NALF1: variants seen among roughly 807,000 people sequenced by gnomAD.
NALF1 encodes NALCN channel auxiliary factor 1.
Under a neutral mutation model 48.4 loss-of-function variants are expected in NALF1, and 3 were observed. That is an observed-to-expected ratio of 0.06 (90% confidence interval 0.03 to 0.16). NALF1 has a LOEUF of 0.16. Among genes scored for constraint, NALF1 ranks in the 10% least tolerant of loss-of-function variants. NALF1 has a pLI of 1.00. For missense variants in NALF1, 526 were observed against 571.5 expected (o/e 0.92, Z 0.81); for synonymous variants, 262 against 245.7 (o/e 1.07, Z -0.62).
intron 1 of NALF1, among the ~76,000 whole-genome samples, chr13:107,428,415 G>A (rs1884317094): frequency 6.6e-6 from 1 of 152,142 alleles, no homozygotes; most frequent in Non-Finnish European, 1.5e-5. Context: ...TGGGAAATCA[G>A]GAAATGTGGA....
chr13:107,748,711 GATA>G (rs760196252), intron 1 of NALF1, among the ~76,000 whole-genome samples: 207 of 152,296 alleles, frequency 1.4e-3, no homozygotes, highest in Non-Finnish European at 2.4e-3. Context: ...TGAAGCTAGT[GATA>G]AAAATTAAAT....
chr13:107,857,214 G>C (rs1336018477), intron 1 of NALF1, among the ~76,000 whole-genome samples: 1 of 152,136 alleles, frequency 6.6e-6, no homozygotes, highest in Admixed American at 6.5e-5. Flanking sequence ...TCGACATCAA[G>C]GATATCTGTT....
chr13:107,443,912 C>A, intron 1 of NALF1, among the ~76,000 whole-genome samples: 1 of 152,154 alleles, frequency 6.6e-6, no homozygotes, highest in Non-Finnish European at 1.5e-5. Flanking sequence ...TTGCAGCTTC[C>A]GATTTTATTA....
chr13:107,471,936 A>G (rs1401418693), intron 1 of NALF1, among the ~76,000 whole-genome samples: 1 of 152,226 alleles, frequency 6.6e-6, no homozygotes, highest in Non-Finnish European at 1.5e-5. Context: ...CAGTCAAGAA[A>G]AAAATGTATT....
intron 1 of NALF1, among the ~76,000 whole-genome samples, chr13:107,511,782 A>C (rs1875898802): frequency 6.6e-6 from 1 of 152,176 alleles, no homozygotes; most frequent in Admixed American, 6.5e-5. Context: ...CGTATGTTAA[A>C]ATTAACTACA....
At chr13:107,571,680 C>T (rs1434241042) in intron 1 of NALF1, among the ~76,000 whole-genome samples, 2 of 152,106 alleles carry the variant, frequency 1.3e-5, no homozygotes, top group South Asian at 4.1e-4. Flanking sequence ...GTGACAACTT[C>T]GGACTTGAGA....
At chr13:107,726,630 G>C (rs1003329922) in intron 1 of NALF1, among the ~76,000 whole-genome samples, 17 of 117,090 alleles carry the variant, frequency 1.5e-4, no homozygotes, top group African/African-American at 5.5e-4. Context: ...TTTTTTTCCA[G>C]ATGGAGTCTC....
intron 1 of NALF1, among the ~76,000 whole-genome samples, chr13:107,374,998 T>C (rs1449918528): frequency 6.6e-6 from 1 of 152,214 alleles, no homozygotes; most frequent in Admixed American, 6.5e-5. Flanking sequence ...TATCCTCCAC[T>C]GGTTTAAAAA....
intron 1 of NALF1, among the ~76,000 whole-genome samples, chr13:107,736,192 CAT>C (rs1174230799): frequency 0.017 from 780 of 45,264 alleles, 6 homozygotes; most frequent in African/African-American, 0.052. Context: ...CACACACACA[CAT>C]ACACACACAC....
intron 1 of NALF1, among the ~76,000 whole-genome samples, chr13:107,286,806 C>T (rs1032900165): frequency 2.0e-5 from 3 of 151,962 alleles, no homozygotes; most frequent in Admixed American, 6.6e-5. Context: ...TACAAATATC[C>T]CATGTTAAAT....
intron 1 of NALF1, among the ~76,000 whole-genome samples, chr13:107,370,723 C>T (rs540068016): frequency 4.6e-5 from 7 of 152,084 alleles, no homozygotes; most frequent in Non-Finnish European, 8.8e-5. Context: ...ATAACTGAGA[C>T]TGGATATTTT....
chr13:107,301,006 C>A (rs1469914713), intron 1 of NALF1, among the ~76,000 whole-genome samples: 1 of 152,174 alleles, frequency 6.6e-6, no homozygotes, highest in Non-Finnish European at 1.5e-5. Context: ...AAATGGAATG[C>A]TGGAATTCAG....
intron 1 of NALF1, among the ~76,000 whole-genome samples, chr13:107,215,724 T>G (rs182349405): frequency 6.0e-4 from 92 of 152,274 alleles, no homozygotes; most frequent in African/African-American, 2.0e-3. Flanking sequence ...TGGTGCCATA[T>G]AGACAGCTGG....
intron 1 of NALF1, among the ~76,000 whole-genome samples, chr13:107,804,916 C>A (rs1377149255): frequency 6.6e-6 from 1 of 152,134 alleles, no homozygotes. Context: ...AGCAGATAAA[C>A]TGTGCCTTAT....
At chr13:107,589,908 C>G (rs992178046) in intron 1 of NALF1, among the ~76,000 whole-genome samples, 2 of 151,958 alleles carry the variant, frequency 1.3e-5, no homozygotes, top group East Asian at 3.9e-4. Flanking sequence ...GCTGACATCT[C>G]AGATGAAAGA....
intron 1 of NALF1, among the ~76,000 whole-genome samples, chr13:107,313,882 T>A (rs1166692313): frequency 6.6e-6 from 1 of 152,176 alleles, no homozygotes; most frequent in African/African-American, 2.4e-5. Flanking sequence ...TATTGGTTGA[T>A]GTTTCATATC....
intron 1 of NALF1, among the ~76,000 whole-genome samples, chr13:107,280,029 C>T (rs1266294468): frequency 5.9e-5 from 9 of 151,634 alleles, no homozygotes; most frequent in Non-Finnish European, 8.8e-5. Flanking sequence ...TGAGCTCAAC[C>T]GATCCTCCTG....
At chr13:107,798,285 T>C (rs1023936038) in intron 1 of NALF1, among the ~76,000 whole-genome samples, 2 of 152,320 alleles carry the variant, frequency 1.3e-5, no homozygotes, top group Admixed American at 1.3e-4. Flanking sequence ...ATTAGTAAAA[T>C]GTACATTAAA....
chr13:107,492,306 T>C (rs1594092204), intron 1 of NALF1, among the ~76,000 whole-genome samples: 1 of 151,886 alleles, frequency 6.6e-6, no homozygotes, highest in Non-Finnish European at 1.5e-5. Flanking sequence ...GCTTCGGCCT[T>C]CCAAAGTGCT....
Sources: allele counts gnomAD v4.1 joint callset (sites outside exome capture counted in the v4.1 genomes callset), GRCh38; gene constraint gnomAD v4.1.1; transcripts MANE v1.5; gene names NCBI Gene and HGNC (gene_info 2026-07-23, HGNC 2026-07-21).